Variants in IKZF2 observed in about 807,000 individuals in gnomAD.
The protein encoded by IKZF2 is IKAROS family zinc finger 2.
A neutral mutation model predicts 49.2 loss-of-function variants in IKZF2; 15 were observed. That is an observed-to-expected ratio of 0.30 (90% confidence interval 0.20 to 0.47). IKZF2 has a LOEUF of 0.47. Ranked by LOEUF, IKZF2 falls within the 20% of genes least tolerant of loss-of-function variation. The pLI, the probability that IKZF2 is intolerant of heterozygous loss-of-function variation, is 1.00. For missense variants in IKZF2, 567 were observed against 664.6 expected, an observed-to-expected ratio of 0.85 and a Z score of 1.61; for synonymous variants, 227 against 221.4, an observed-to-expected ratio of 1.03 and a Z score of -0.23.
intron 8 of IKZF2, among the ~76,000 whole-genome samples, chr2:213,011,447 G>A (rs936816773): frequency 6.6e-6 from 1 of 151,830 alleles, no homozygotes; most frequent in African/African-American, 2.4e-5. Flanking sequence ...GCACAAGAGG[G>A]GGAATGAACT....
chr2:213,124,289 C>CACACAT (rs1553599704), intron 4 of IKZF2, among the ~76,000 whole-genome samples: 4 of 146,208 alleles, frequency 2.7e-5, no homozygotes, highest in African/African-American at 1.0e-4. Context: ...CACACACACA[C>CACACAT]ACACACACAG....
intron 7 of IKZF2, chr2:213,015,159 GA>G (rs1015813483): frequency 6.6e-6 from 1 of 151,960 alleles, no homozygotes; most frequent in African/African-American, 2.4e-5. Context: ...CAATTTTGAA[GA>G]AAATGAAACA....
intron 4 of IKZF2, among the ~76,000 whole-genome samples, chr2:213,089,859 A>G (rs1705097180): frequency 6.6e-6 from 1 of 152,194 alleles, no homozygotes; most frequent in South Asian, 2.1e-4. Flanking sequence ...TAAAGGAATG[A>G]CAGCCAAAAA....
intron 4 of IKZF2, among the ~76,000 whole-genome samples, chr2:213,138,277 G>A (rs1317665821): frequency 6.6e-6 from 1 of 152,042 alleles, no homozygotes; most frequent in Non-Finnish European, 1.5e-5. Context: ...TAACATTCAT[G>A]TGGATTCCAC....
rs1260028575 is a variant in IKZF2, at chr2:213,000,831, CT to C, written c.*6528del. 6.6e-6 allele frequency: 1 copy of C among 151,418 alleles called. No individual in the cohort carries two copies. The highest frequency in any genetic ancestry group is 2.4e-5 in the African/African-American group (1 of 41,326). The allele number at this position is 151,418 out of a possible 1,614,324, so 9.4% of individuals were successfully genotyped here. On this transcript the variant is annotated 3_prime_UTR_variant, in exon 9 of 9. Transcript: ENST00000434687. ...TTAATTTAGAGCATTGGGCGAGGGT[CT>C]AAGAAGATTCAATCTGTAAAAAGTT...
At chr2:213,128,502 C>A (rs1000880400) in intron 4 of IKZF2, among the ~76,000 whole-genome samples, 3 of 152,290 alleles carry the variant, frequency 2.0e-5, no homozygotes, top group Admixed American at 6.5e-5. Context: ...GACTCCAAAC[C>A]AGGTCTATGT....
At chr2:213,124,234 ATGCGCTCGCGCGCGCGCG>A (rs778771559) in intron 4 of IKZF2, among the ~76,000 whole-genome samples, 25 of 114,946 alleles carry the variant, frequency 2.2e-4, no homozygotes, top group African/African-American at 8.8e-4. Context: ...GCACGCACAC[ATGCGCTCGCGCGCGCGCG>A]CACACACACA....
At chr2:213,044,912 T>C (rs953005763) in intron 6 of IKZF2, among the ~76,000 whole-genome samples, 1 of 152,168 alleles carries the variant, frequency 6.6e-6, no homozygotes, top group African/African-American at 2.4e-5. Context: ...CAGAGAAACA[T>C]GGGATGGTAG....
chr2:213,097,745 TC>T (rs1489037990), intron 4 of IKZF2: 1 of 157,054 alleles, frequency 6.4e-6, no homozygotes, highest in African/African-American at 2.4e-5. Flanking sequence ...CCATTCCCTT[TC>T]CCCTAACTTC....
Position 213,102,921 on chromosome 2 carries a change from C to T in IKZF2, c.139+44787G>A, listed in dbSNP as rs1476519305. Among the ~76,000 whole-genome samples, 4 of 151,812 alleles carry T rather than the reference C, an allele frequency of 2.6e-5. No homozygotes were observed. In the East Asian group the frequency reaches 7.7e-4, roughly 29 times the overall value. ...TTGTAAAAAGGTTCCTTTTTACTCT[C>T]GAATATTGTGAGATAAGCAGTAATG... On this transcript the variant is annotated intron_variant, in intron 4 of 8. Coordinates refer to ENST00000434687, the MANE Select transcript of IKZF2 (RefSeq NM_001387220.1).
intron 4 of IKZF2, among the ~76,000 whole-genome samples, chr2:213,100,524 TGAAAG>T (rs1706534724): frequency 6.6e-6 from 1 of 152,012 alleles, no homozygotes; most frequent in Non-Finnish European, 1.5e-5. Flanking sequence ...GGCCCCTTGG[TGAAAG>T]CCACGTATTT....
intron 6 of IKZF2, among the ~76,000 whole-genome samples, chr2:213,028,084 GA>G (rs1396949774): frequency 6.6e-6 from 1 of 152,038 alleles, no homozygotes; most frequent in East Asian, 1.9e-4. Flanking sequence ...TATGGCATAA[GA>G]GTCTTAGACC....
At chr2:213,032,008 C>G (rs986452616) in intron 6 of IKZF2, among the ~76,000 whole-genome samples, 19 of 151,992 alleles carry the variant, frequency 1.3e-4, no homozygotes, top group African/African-American at 4.1e-4. Context: ...GGAAAAAGAG[C>G]TAGAGAAAGT....
At chr2:213,139,862 G>A (rs1187117654) in intron 4 of IKZF2, among the ~76,000 whole-genome samples, 2 of 151,964 alleles carry the variant, frequency 1.3e-5, no homozygotes, top group South Asian at 2.1e-4. Flanking sequence ...GGTAAAAGGT[G>A]AGAAGCAGCT....
rs200011675 is a variant in IKZF2 at position 213,057,000 on chromosome 2, A to G, written c.239T>C (p.Leu80Pro). 4.2e-5 allele frequency: 67 copies of G among 1,613,788 alleles called. 1 individual carries two copies. The Middle Eastern group carries it at 6.6e-4, about 16-fold the overall frequency. ...EIRGHDEGSSLEEPLIESSEV... is the reference protein window; with the variant it reads ...EIRGHDEGSSPEEPLIESSEV... ...GCTGCTCTCAATTAGGGGTTCTTCT[A>G]GGCTGCTACCCTCATCATGGCCCCT... Residue 80 changes from leucine (L) to proline (P), a missense_variant, in exon 5 of 9, where the codon CTA (leucine) becomes CCA (proline). Coordinates refer to ENST00000434687, the MANE Select transcript of IKZF2 (RefSeq NM_001387220.1).
chr2:213,021,492 T>G (rs575234558), intron 7 of IKZF2: 14 of 260,274 alleles, frequency 5.4e-5, no homozygotes, highest in African/African-American at 3.0e-4. Context: ...GAGATCAGGA[T>G]GTTTTGCTTG....
chr2:213,130,618 G>A (rs1159206048), intron 4 of IKZF2, among the ~76,000 whole-genome samples: 3 of 152,132 alleles, frequency 2.0e-5, no homozygotes, highest in Non-Finnish European at 4.4e-5. Flanking sequence ...GAAAATTACA[G>A]ATTGATTACC....
intron 4 of IKZF2, among the ~76,000 whole-genome samples, chr2:213,086,291 C>T (rs1200346900): frequency 1.3e-5 from 2 of 152,202 alleles, no homozygotes; most frequent in East Asian, 3.9e-4. Flanking sequence ...TAGTTCATAT[C>T]CTGCAAATAC....
intron 6 of IKZF2, among the ~76,000 whole-genome samples, chr2:213,022,670 T>C (rs897071013): frequency 2.6e-5 from 4 of 152,174 alleles, no homozygotes; most frequent in African/African-American, 4.8e-5. Flanking sequence ...AGAGTTTCCT[T>C]TCCTTTCACC....
Sources: allele counts gnomAD v4.1 joint callset (sites outside exome capture counted in the v4.1 genomes callset), GRCh38; gene constraint gnomAD v4.1.1; transcripts MANE v1.5; gene names NCBI Gene and HGNC (gene_info 2026-07-23, HGNC 2026-07-21).